Variants in GALNT13 observed in about 807,000 individuals in gnomAD.
GALNT13 encodes the protein UDP-GalNAc:polypeptide N-acetylgalactosaminyltransferase 13.
Under a neutral mutation model 64.2 loss-of-function variants are expected in GALNT13, and 28 were observed. The observed-to-expected ratio is 0.44, with a 90% CI of 0.32 to 0.60. The LOEUF is 0.60. Ranked by LOEUF, GALNT13 falls within the 20% of genes least tolerant of loss-of-function variation. The probability of loss-of-function intolerance (pLI) is 0.05; values close to 1 mark genes in which losing one functional copy is unlikely to be tolerated. For synonymous variants in GALNT13, 214 were observed against 224.6 expected (o/e 0.95, Z 0.42); for missense variants, 577 against 669.8 (o/e 0.86, Z 1.53).
At chr2:153,398,039 A>G in the GALNT13 span, among the ~76,000 whole-genome samples, 1 of 151,742 alleles carries the variant, frequency 6.6e-6, no homozygotes, top group Non-Finnish European at 1.5e-5. Flanking sequence ...GTCATCTAGC[A>G]TTAGGTATAT....
the GALNT13 span, among the ~76,000 whole-genome samples, chr2:153,617,852 A>C: frequency 6.6e-6 from 1 of 151,916 alleles, no homozygotes; most frequent in Non-Finnish European, 1.5e-5. Context: ...ATAGTTGCTC[A>C]TAGTAGCTAG....
At chr2:153,563,131 C>A in the GALNT13 span, among the ~76,000 whole-genome samples, 1 of 151,466 alleles carries the variant, frequency 6.6e-6, no homozygotes, top group African/African-American at 2.4e-5. Context: ...CCTTGATATC[C>A]TTTGTTTTTC....
the GALNT13 span, among the ~76,000 whole-genome samples, chr2:153,292,048 A>C: frequency 1.3e-5 from 2 of 152,208 alleles, no homozygotes; most frequent in Non-Finnish European, 2.9e-5. Context: ...TTGATTTTCT[A>C]CAGGCGTTTC....
At chr2:153,373,803 C>T in the GALNT13 span, among the ~76,000 whole-genome samples, 1 of 152,114 alleles carries the variant, frequency 6.6e-6, no homozygotes. Flanking sequence ...TTTCTACTTT[C>T]TGTCTTTATG....
intron 4 of GALNT13, among the ~76,000 whole-genome samples, chr2:154,150,688 T>G (rs1016611469): frequency 6.6e-6 from 1 of 152,244 alleles, no homozygotes; most frequent in Non-Finnish European, 1.5e-5. Flanking sequence ...ATTTATCCAT[T>G]TCTTCTAGAT....
intron 3 of GALNT13, among the ~76,000 whole-genome samples, chr2:154,129,061 A>G: frequency 6.6e-6 from 1 of 152,172 alleles, no homozygotes; most frequent in Non-Finnish European, 1.5e-5. Flanking sequence ...CACAGAGATC[A>G]GTGATATTTT....
chr2:153,754,127 T>C, the GALNT13 span, among the ~76,000 whole-genome samples: 3 of 152,068 alleles, frequency 2.0e-5, no homozygotes, highest in East Asian at 5.8e-4. Flanking sequence ...CCAGTGCAGA[T>C]TCAGAAATGC....
chr2:153,677,802 A>T, the GALNT13 span, among the ~76,000 whole-genome samples: 3 of 152,106 alleles, frequency 2.0e-5, no homozygotes, highest in Non-Finnish European at 4.4e-5. Context: ...TATTCAATAA[A>T]TGGTGATAGT....
the GALNT13 span, among the ~76,000 whole-genome samples, chr2:153,352,446 C>A: frequency 6.6e-6 from 1 of 152,082 alleles, no homozygotes; most frequent in South Asian, 2.1e-4. Flanking sequence ...AGCAGAAAAT[C>A]TTAAATTTAA....
the GALNT13 span, among the ~76,000 whole-genome samples, chr2:153,693,118 TC>T: frequency 6.6e-6 from 1 of 152,180 alleles, no homozygotes; most frequent in East Asian, 1.9e-4. Context: ...AAGAAAAGAC[TC>T]TGAAGCTGGT....
At chr2:153,471,348 A>G in the GALNT13 span, among the ~76,000 whole-genome samples, 5 of 152,140 alleles carry the variant, frequency 3.3e-5, no homozygotes, top group Non-Finnish European at 7.4e-5. Context: ...TAAAGATAAG[A>G]AGGCCTGGCA....
rs569032337 is a variant in GALNT13 at position 154,086,770 on chromosome 2, G to A, written c.143-53567G>A. Among the ~76,000 whole-genome samples, 106 of 151,358 alleles carry A rather than the reference G, an allele frequency of 7.0e-4. No individual in the cohort carries two copies. The East Asian group carries it at 0.016, about 22-fold the overall frequency. ...TTTTAAGTTATATGTTAGCATACGC[G>A]CACACACACACACACGCGCACGCGA... On this transcript the variant is annotated intron_variant, in intron 3 of 12. Coordinates refer to ENST00000392825, the MANE Select transcript of GALNT13 (RefSeq NM_052917.4).
At chr2:153,676,197 C>T in the GALNT13 span, among the ~76,000 whole-genome samples, 1 of 151,920 alleles carries the variant, frequency 6.6e-6, no homozygotes, top group African/African-American at 2.4e-5. Context: ...CATCAATTCA[C>T]CAGGAATACA....
At chr2:154,255,155 A>C (rs762374475) in intron 7 of GALNT13, among the ~76,000 whole-genome samples, 4 of 152,154 alleles carry the variant, frequency 2.6e-5, no homozygotes, top group Non-Finnish European at 4.4e-5. Context: ...CTAGAAACAA[A>C]AATGATTTCA....
At chr2:153,493,724 T>C in the GALNT13 span, among the ~76,000 whole-genome samples, 3 of 151,962 alleles carry the variant, frequency 2.0e-5, no homozygotes, top group Non-Finnish European at 4.4e-5. Context: ...TGAATATAGA[T>C]ATTAAAATCC....
intron 3 of GALNT13, among the ~76,000 whole-genome samples, chr2:153,978,338 C>G (rs17439589): frequency 0.19 from 28,236 of 152,030 alleles, 3,368 homozygotes; most frequent in Non-Finnish European, 0.26. Flanking sequence ...TGCATTCAGC[C>G]TGGGTATGAA....
the GALNT13 span, among the ~76,000 whole-genome samples, chr2:153,171,028 A>G: frequency 1.3e-5 from 2 of 152,256 alleles, no homozygotes; most frequent in African/African-American, 2.4e-5. Context: ...ACTCAGTAAC[A>G]GTAACTTTTC....
chr2:153,588,792 C>G, the GALNT13 span, among the ~76,000 whole-genome samples: 1 of 152,186 alleles, frequency 6.6e-6, no homozygotes, highest in Non-Finnish European at 1.5e-5. Context: ...ATTTTCTGAA[C>G]TTTTATGCTG....
At chr2:153,964,290 A>G (rs889549002) in intron 3 of GALNT13, among the ~76,000 whole-genome samples, 1 of 152,138 alleles carries the variant, frequency 6.6e-6, no homozygotes, top group African/African-American at 2.4e-5. Flanking sequence ...CTCTACAAAA[A>G]ATACAAAAAT....
Sources: allele counts gnomAD v4.1 joint callset (sites outside exome capture counted in the v4.1 genomes callset), GRCh38; gene constraint gnomAD v4.1.1; transcripts MANE v1.5; gene names NCBI Gene and HGNC (gene_info 2026-07-23, HGNC 2026-07-21).